Variants in UBFD1 observed in about 807,000 individuals in gnomAD.
UBFD1 encodes ubiquitin domain-containing protein UBFD1.
UBFD1 carries 12 observed loss-of-function variants against 35.1 expected under a neutral mutation model. The ratio of observed to expected loss-of-function variants is 0.34; its 90% CI spans 0.22 to 0.55. UBFD1 has a LOEUF of 0.55. Ranked by LOEUF, UBFD1 falls within the 20% of genes least tolerant of loss-of-function variation. The probability of loss-of-function intolerance (pLI) is 0.89; values close to 1 mark genes in which losing one functional copy is unlikely to be tolerated. For missense variants in UBFD1, 337 were observed against 410.8 expected (o/e 0.82, Z 1.55); for synonymous variants, 178 against 167.6 (o/e 1.06, Z -0.48).
chr16:23,558,542 T>A (rs758044988), intron 2 of UBFD1, among the ~76,000 whole-genome samples: 7 of 152,184 alleles, frequency 4.6e-5, no homozygotes, highest in Non-Finnish European at 1.0e-4. Flanking sequence ...CATCTCTAAT[T>A]AAAAAATCAC....
intron 2 of UBFD1, 58 bp downstream of exon 2, chr16:23,558,337 C>A (rs1965860238): frequency 5.7e-6 from 9 of 1,580,930 alleles, no homozygotes; most frequent in Non-Finnish European, 7.7e-6. Flanking sequence ...ATGGCCCTTG[C>A]ACCCTACTAG....
intron 2 of UBFD1, chr16:23,559,166 C>A: frequency 4.3e-6 from 1 of 233,200 alleles, no homozygotes. Context: ...GACTGAGGAA[C>A]AACTTGGAAA....
chr16:23,562,132 C>T (rs1046148568), intron 3 of UBFD1, 74 bp from the exon 4 acceptor site: 36 of 1,383,058 alleles, frequency 2.6e-5, no homozygotes, highest in Admixed American at 1.3e-4. Context: ...TTTCTTCATC[C>T]TCTCTTTCAA....
chr16:23,563,912 C>G (rs1256358163), intron 5 of UBFD1: 2 of 152,256 alleles, frequency 1.3e-5, no homozygotes, highest in African/African-American at 4.8e-5. Context: ...AATGTCCTCT[C>G]TGAATGAAGC....
chr16:23,566,818 A>C, intron 5 of UBFD1, 169 bp from the exon 6 acceptor site: 1 of 612,512 alleles, frequency 1.6e-6, no homozygotes, highest in Non-Finnish European at 2.9e-6. Flanking sequence ...ACGAAGCCCT[A>C]TGTGCACTGG....
At position 23,562,785 on chromosome 16, in the gene UBFD1, G is replaced by A. The variant is rs1466416003; in HGVS notation, c.736+55G>A. The A allele has an allele frequency of 4.1e-6, 6 of 1,475,052 alleles. No individual in the cohort carries two copies. In the Admixed American group the frequency reaches 8.4e-5, roughly 21 times the overall value. The allele number at this position is 1,475,052 out of a possible 1,614,324, so 91.4% of individuals were successfully genotyped here. A position where few individuals can be genotyped will look rare whatever the true frequency, so the allele number is the denominator to read the frequency against. ...CACTGCCTGCCTCTGGCACCCAGCA[G>A]CACTCACATTTTAGAGTGCGATTTC... On this transcript the variant is annotated intron_variant, in intron 5 of 6. Transcript: ENST00000395878.
At chr16:23,567,139 A>C in intron 6 of UBFD1, 70 bp downstream of exon 6, 2 of 1,446,170 alleles carry the variant, frequency 1.4e-6, no homozygotes, top group Non-Finnish European at 9.6e-7. Context: ...AACAGTTTTA[A>C]CTGAGCTTGT....
At position 23,559,444 on chromosome 16, in the gene UBFD1, G is replaced by A. The variant is rs756975362; in HGVS notation, c.356-24G>A. 4 of 1,604,882 alleles carry A rather than the reference G, an allele frequency of 2.5e-6. No individual in the cohort carries two copies. In the South Asian group the frequency reaches 4.5e-5, roughly 18 times the overall value. On this transcript the variant is annotated intron_variant, in intron 2 of 6. Transcript: ENST00000395878. ...TTTTCTGTCCTTCCTTCCTTTCACTGTCCACCTTCTACCTTTTCCCAAGGT... is the reference window on the plus strand; with the variant it reads ...TTTTCTGTCCTTCCTTCCTTTCACTATCCACCTTCTACCTTTTCCCAAGGT...
At chr16:23,568,620 A>C (rs1479418002) in intron 6 of UBFD1, 1 of 151,240 alleles carries the variant, frequency 6.6e-6, no homozygotes, top group East Asian at 2.0e-4. Flanking sequence ...GGAGTTTGAG[A>C]CCAGCCTGAC....
chr16:23,562,383 AC>A, intron 4 of UBFD1, 112 bp downstream of exon 4: 1 of 1,037,386 alleles, frequency 9.6e-7, no homozygotes, highest in Non-Finnish European at 1.4e-6. Context: ...TTTTTTTGAG[AC>A]AGAGTCTTGC....
Position 23,562,673 on chromosome 16 carries a change from G to A in UBFD1, c.679G>A (p.Gly227Arg). ...GTCCGGCATGTACAATAAATCTGGA[G>A]GAAAAGTGAGACTCACCTTTAAACT... ...PLSGMYNKSG[G>R]KVRLTFKLEQ... Residue 227 changes from glycine (G) to arginine (R), a missense_variant, in exon 5 of 7, where the codon GGA (glycine) becomes AGA (arginine). By Grantham distance (125) the Gly-to-Arg change is moderately radical (BLOSUM62 -2). This residue lies in a region of UBFD1 where 71 missense variants were observed against 149.6 expected (regional missense o/e 0.47). Transcript: ENST00000395878. 6.2e-7 allele frequency: 1 copy of A among 1,614,152 alleles called. No individual in the cohort carries two copies. The highest frequency in any genetic ancestry group is 8.5e-7 in the Non-Finnish European group (1 of 1,180,024).
At chr16:23,562,486 T>C (rs1965950909) in intron 4 of UBFD1, 139 bp from the exon 5 acceptor site, 2 of 840,954 alleles carry the variant, frequency 2.4e-6, no homozygotes, top group African/African-American at 1.7e-5. Context: ...CAGGCTAGTC[T>C]CCAACTCCTG....
intron 5 of UBFD1, 97 bp downstream of exon 5, chr16:23,562,827 CCTCT>C (rs766542695): frequency 3.4e-5 from 35 of 1,029,756 alleles, no homozygotes; most frequent in Non-Finnish European, 4.8e-5. Context: ...CCTTCTGAAA[CCTCT>C]CTCTCCACTG....
At chr16:23,567,329 T>C (rs953270606) in intron 6 of UBFD1, among the ~76,000 whole-genome samples, 1 of 152,194 alleles carries the variant, frequency 6.6e-6, no homozygotes, top group African/African-American at 2.4e-5. Flanking sequence ...TTTAGAAAAG[T>C]CTCTCTTGCC....
rs772943113 is a variant in UBFD1 at position 23,570,912 on chromosome 16, T to C, written c.*322T>C. 9.9e-5 allele frequency: 17 copies of C among 171,250 alleles called. No homozygotes were observed. The highest frequency in any genetic ancestry group is 1.8e-4 in the Non-Finnish European group (15 of 81,400). The allele number at this position is 171,250 out of a possible 1,614,324, so 10.6% of individuals were successfully genotyped here. A position where few individuals can be genotyped will look rare whatever the true frequency, so the allele number is the denominator to read the frequency against. ...TGTTTGAGAGTAGATCTGCCAATTA[T>C]GTTGACAAGGGAATGATCAAAAGCT... On this transcript the variant is annotated 3_prime_UTR_variant, in exon 7 of 7. Coordinates refer to ENST00000395878, the MANE Select transcript of UBFD1 (RefSeq NM_019116.3).
At chr16:23,562,179 C>G (rs1965945587) in intron 3 of UBFD1, 27 bp from the exon 4 acceptor site, 1 of 1,596,902 alleles carries the variant, frequency 6.3e-7, no homozygotes, top group Non-Finnish European at 8.6e-7. Context: ...TCAGCTGTTT[C>G]ATTTCATTCT....
chr16:23,566,977 C>T lies in UBFD1; in HGVS notation c.737-10C>T. Reference sequence around the variant, plus strand: ...CCTTTGAATAATCACTGTAATCCCTCTCAACTTAGAGCGGACTGAGAAATT... The same window carrying T: ...CCTTTGAATAATCACTGTAATCCCTTTCAACTTAGAGCGGACTGAGAAATT... On this transcript the variant is annotated splice_polypyrimidine_tract_variant and intron_variant, in intron 5 of 6. Coordinates refer to ENST00000395878, the MANE Select transcript of UBFD1 (RefSeq NM_019116.3). The T allele has an allele frequency of 6.2e-7, 1 of 1,613,986 alleles. No homozygotes were observed. Among genetic ancestry groups the T allele is most frequent in the South Asian group, 1.1e-5 (1 of 91,078 alleles).
chr16:23,563,223 G>A (rs553688346), intron 5 of UBFD1, among the ~76,000 whole-genome samples: 1 of 152,206 alleles, frequency 6.6e-6, no homozygotes, highest in African/African-American at 2.4e-5. Flanking sequence ...ATTTATCTTA[G>A]AAGTAGCCAG....
At chr16:23,559,987 C>A in intron 3 of UBFD1, 1 of 1,006,088 alleles carries the variant, frequency 9.9e-7, no homozygotes, top group Non-Finnish European at 1.4e-6. Context: ...CCAGAGAAAA[C>A]TACCAGTACT....
Sources: allele counts gnomAD v4.1 joint callset (sites outside exome capture counted in the v4.1 genomes callset), GRCh38; gene constraint gnomAD v4.1.1; regional missense constraint gnomAD v4.1.1; transcripts MANE v1.5; gene names NCBI Gene and HGNC (gene_info 2026-07-23, HGNC 2026-07-21).